LIMCH1: variants seen among roughly 807,000 people sequenced by gnomAD.
The protein encoded by LIMCH1 is LIM and calponin homology domains-containing protein 1.
LIMCH1 carries 113 observed loss-of-function variants against 176.5 expected under a neutral mutation model. The observed-to-expected ratio is 0.64, with a 90% CI of 0.55 to 0.75. The LOEUF (loss-of-function observed/expected upper bound fraction) is 0.75. LIMCH1 is among the 30% of genes least tolerant of loss of function. The pLI, the probability that LIMCH1 is intolerant of heterozygous loss-of-function variation, is 0.00. For missense variants in LIMCH1, 1,674 were observed against 1,814.9 expected, an observed-to-expected ratio of 0.92 and a Z score of 1.41; for synonymous variants, 619 against 645.9, an observed-to-expected ratio of 0.96 and a Z score of 0.63.
Position 41,646,469 on chromosome 4 carries a change from C to T in LIMCH1, c.2412-16C>T. ...TCATTAGTTGACTTTGTTATTGCTTCTCCCATGTCCTTTAGAGAGCGGAGA... is the reference window on the plus strand; with the variant it reads ...TCATTAGTTGACTTTGTTATTGCTTTTCCCATGTCCTTTAGAGAGCGGAGA... On this transcript the variant is annotated splice_polypyrimidine_tract_variant and intron_variant, in intron 16 of 31. Coordinates refer to ENST00000503057, the MANE Select transcript of LIMCH1 (RefSeq NM_001330672.2). 6.3e-7 allele frequency: 1 copy of T among 1,597,304 alleles called. No homozygotes were observed.
At chr4:41,599,573 T>C (rs1293076382) in intron 2 of LIMCH1, among the ~76,000 whole-genome samples, 1 of 152,236 alleles carries the variant, frequency 6.6e-6, no homozygotes, top group Non-Finnish European at 1.5e-5. Context: ...TGGAGCAGAA[T>C]GTCACAATAA....
chr4:41,610,370 G>A (rs1199889655), intron 4 of LIMCH1, among the ~76,000 whole-genome samples: 1 of 152,182 alleles, frequency 6.6e-6, no homozygotes, highest in African/African-American at 2.4e-5. Context: ...CTGAGTGTCT[G>A]CCTTCCCTGA....
intron 1 of LIMCH1, among the ~76,000 whole-genome samples, chr4:41,553,163 G>A (rs2080757393): frequency 6.6e-6 from 1 of 152,168 alleles, no homozygotes; most frequent in South Asian, 2.1e-4. Flanking sequence ...TCTGACTCCT[G>A]ATTTAGTTCT....
At chr4:41,510,879 G>A (rs1368763233) in intron 2 of LIMCH1, among the ~76,000 whole-genome samples, 7 of 152,124 alleles carry the variant, frequency 4.6e-5, no homozygotes, top group East Asian at 1.9e-4. Context: ...GTGAGCCACC[G>A]CACCCGACCA....
intron 1 of LIMCH1, among the ~76,000 whole-genome samples, chr4:41,375,432 C>T (rs1425770491): frequency 6.6e-6 from 1 of 152,136 alleles, no homozygotes; most frequent in Non-Finnish European, 1.5e-5. Context: ...TAAAGATGTT[C>T]ATCCTGGGTA....
In LIMCH1 at chr4:41,465,345, G is replaced by A. The variant is rs187796762; in HGVS notation, c.97-29191G>A. On this transcript the variant is annotated intron_variant, in intron 1 of 26. Transcript: ENST00000313860. Reference sequence around the variant, plus strand: ...GATGAGTCTCTGAACTCATCAAGTGGTGATGAGTCTCAAGTCCCGCTGCCA... The same window carrying A: ...GATGAGTCTCTGAACTCATCAAGTGATGATGAGTCTCAAGTCCCGCTGCCA... 5.3e-3 allele frequency among the ~76,000 whole-genome samples: 808 copies of A among 152,186 alleles called. 13 individuals are homozygous for A. The highest frequency in any genetic ancestry group is 0.018 in the African/African-American group (767 of 41,506).
chr4:41,432,029 G>C (rs999996779), intron 1 of LIMCH1, among the ~76,000 whole-genome samples: 17 of 152,156 alleles, frequency 1.1e-4, no homozygotes, highest in Non-Finnish European at 2.1e-4. Flanking sequence ...CACATTGCAG[G>C]TGAAGAAATT....
chr4:41,497,861 C>T (rs2072492862), intron 2 of LIMCH1, among the ~76,000 whole-genome samples: 1 of 151,380 alleles, frequency 6.6e-6, no homozygotes, highest in Non-Finnish European at 1.5e-5. Context: ...TGCTCTTAAT[C>T]ACTGCCCTGT....
At chr4:41,685,942 C>T (rs1053430674) in intron 28 of LIMCH1, 112 bp downstream of exon 28, 1 of 1,145,840 alleles carries the variant, frequency 8.7e-7, no homozygotes, top group East Asian at 2.6e-5. Context: ...CATTTTTGTG[C>T]TTTCTCTCCA....
At chr4:41,477,327 T>A (rs2067898933) in intron 1 of LIMCH1, among the ~76,000 whole-genome samples, 1 of 152,126 alleles carries the variant, frequency 6.6e-6, no homozygotes, top group South Asian at 2.1e-4. Flanking sequence ...AGTAGCTTTA[T>A]GTGAATTAGG....
intron 1 of LIMCH1, among the ~76,000 whole-genome samples, chr4:41,434,576 G>T (rs1041272288): frequency 6.6e-6 from 1 of 152,154 alleles, no homozygotes; most frequent in Non-Finnish European, 1.5e-5. Context: ...GAGTGCAGGG[G>T]TGTGATCTTG....
intron 2 of LIMCH1, among the ~76,000 whole-genome samples, chr4:41,602,982 T>G (rs2090188046): frequency 6.6e-6 from 1 of 152,228 alleles, no homozygotes; most frequent in African/African-American, 2.4e-5. Context: ...GTATGCTACT[T>G]GTTTTCTATT....
chr4:41,466,546 C>T (rs142842775), intron 1 of LIMCH1, among the ~76,000 whole-genome samples: 8 of 152,314 alleles, frequency 5.3e-5, no homozygotes, highest in Admixed American at 2.0e-4. Flanking sequence ...AGAAACAGTT[C>T]GGTTCCTCAG....
chr4:41,519,428 C>T (rs570370476), intron 2 of LIMCH1, among the ~76,000 whole-genome samples: 18 of 152,156 alleles, frequency 1.2e-4, no homozygotes, highest in Non-Finnish European at 1.9e-4. Context: ...GACACCATTT[C>T]ATTTGTATCA....
At chr4:41,384,934 G>C (rs1420527702) in intron 1 of LIMCH1, among the ~76,000 whole-genome samples, 2 of 152,222 alleles carry the variant, frequency 1.3e-5, no homozygotes, top group African/African-American at 4.8e-5. Context: ...AGTCTGAACA[G>C]CATCATTTTG....
chr4:41,414,834 C>A (rs1008990629), intron 1 of LIMCH1, among the ~76,000 whole-genome samples: 1 of 152,056 alleles, frequency 6.6e-6, no homozygotes, highest in Non-Finnish European at 1.5e-5. Flanking sequence ...ATGTTGTACA[C>A]GTATTGTGGT....
chr4:41,603,328 T>C (rs2090243790), intron 2 of LIMCH1, among the ~76,000 whole-genome samples: 3 of 152,218 alleles, frequency 2.0e-5, no homozygotes, highest in African/African-American at 7.2e-5. Context: ...CATGTGTGTA[T>C]ATTTGAACAT....
At chr4:41,510,823 A>G (rs1403400038) in intron 2 of LIMCH1, among the ~76,000 whole-genome samples, 1 of 152,172 alleles carries the variant, frequency 6.6e-6, no homozygotes, top group Non-Finnish European at 1.5e-5. Context: ...TCCTGCCCTC[A>G]GGTGATCCGC....
At chr4:41,416,611 T>G (rs1307030271) in intron 1 of LIMCH1, among the ~76,000 whole-genome samples, 1 of 145,864 alleles carries the variant, frequency 6.9e-6, no homozygotes, top group African/African-American at 2.6e-5. Context: ...TGAGTCGAGA[T>G]CATGCCACTG....
Sources: allele counts gnomAD v4.1 joint callset (sites outside exome capture counted in the v4.1 genomes callset), GRCh38; gene constraint gnomAD v4.1.1; transcripts MANE v1.5; gene names NCBI Gene and HGNC (gene_info 2026-07-23, HGNC 2026-07-21).